Variants in POU2AF2 observed in about 807,000 individuals in gnomAD.
POU2AF2 encodes the protein POU class 2 homeobox associating factor 2.
At chr11:111,268,532 ATTTTATT>A in the POU2AF2 span, among the ~76,000 whole-genome samples, 6,259 of 107,354 alleles carry the variant, frequency 0.058, 589 homozygotes, top group African/African-American at 0.2. Context: ...ATTTTATTTT[ATTTTATT>A]TTATTTTATT....
the POU2AF2 span, among the ~76,000 whole-genome samples, chr11:111,285,480 A>C: frequency 1.3e-5 from 2 of 152,208 alleles, no homozygotes; most frequent in Non-Finnish European, 2.9e-5. Context: ...GGAAGGGAGG[A>C]AAACTTTCAC....
At chr11:111,276,447 A>ATATATATAT in the POU2AF2 span, among the ~76,000 whole-genome samples, 2 of 30,274 alleles carry the variant, frequency 6.6e-5, no homozygotes, top group African/African-American at 1.7e-4. Flanking sequence ...AAGAAAAAAA[A>ATATATATAT]AAAAAAATAT....
At chr11:111,263,568 G>T in the POU2AF2 span, among the ~76,000 whole-genome samples, 1 of 151,966 alleles carries the variant, frequency 6.6e-6, no homozygotes, top group Non-Finnish European at 1.5e-5. Context: ...GAGTAGCTGG[G>T]AATACAGGCG....
chr11:111,264,058 C>T, the POU2AF2 span, among the ~76,000 whole-genome samples: 3 of 152,070 alleles, frequency 2.0e-5, no homozygotes, highest in East Asian at 5.8e-4. Context: ...AAATGTACTG[C>T]TCAGTTGTGG....
the POU2AF2 span, among the ~76,000 whole-genome samples, chr11:111,246,265 A>G: frequency 6.6e-6 from 1 of 152,246 alleles, no homozygotes; most frequent in African/African-American, 2.4e-5. Flanking sequence ...TCACATTCAT[A>G]TAGAACCTGA....
chr11:111,269,984 T>G, the POU2AF2 span, among the ~76,000 whole-genome samples: 1 of 152,222 alleles, frequency 6.6e-6, no homozygotes, highest in South Asian at 2.1e-4. Context: ...GCAATAAATA[T>G]ATGACCTAAA....
chr11:111,261,206 GA>G, the POU2AF2 span, among the ~76,000 whole-genome samples: 6 of 150,500 alleles, frequency 4.0e-5, no homozygotes, highest in African/African-American at 1.5e-4. Context: ...CACACTACTA[GA>G]TCTTCTACCA....
chr11:111,266,154 A>G, the POU2AF2 span, among the ~76,000 whole-genome samples: 59 of 152,312 alleles, frequency 3.9e-4, 1 homozygote, highest in South Asian at 0.012. Context: ...GAATATTTTG[A>G]TCAGGATTTG....
chr11:111,249,301 TATC>T, the POU2AF2 span, among the ~76,000 whole-genome samples: 1 of 152,158 alleles, frequency 6.6e-6, no homozygotes, highest in Non-Finnish European at 1.5e-5. Context: ...AAACTCTAAA[TATC>T]ATTCCTCTCC....
the POU2AF2 span, among the ~76,000 whole-genome samples, chr11:111,247,211 G>C: frequency 6.6e-6 from 1 of 151,648 alleles, no homozygotes; most frequent in African/African-American, 2.4e-5. Flanking sequence ...GAGAGAGAGA[G>C]AGAGAGAGAC....
the POU2AF2 span, among the ~76,000 whole-genome samples, chr11:111,271,394 C>CA: frequency 1.3e-5 from 2 of 151,240 alleles, no homozygotes; most frequent in East Asian, 1.9e-4. Context: ...TAGCGTGGCT[C>CA]AAAAAAACTC....
At chr11:111,268,487 ATTTTATTTTATT>A in the POU2AF2 span, among the ~76,000 whole-genome samples, 8 of 23,968 alleles carry the variant, frequency 3.3e-4, no homozygotes, top group East Asian at 7.2e-3. Context: ...TTTTTATTTT[ATTTTATTTTATT>A]TTATTTTATT....
chr11:111,273,952 A>G, the POU2AF2 span, among the ~76,000 whole-genome samples: 1 of 152,158 alleles, frequency 6.6e-6, no homozygotes, highest in South Asian at 2.1e-4. Flanking sequence ...AAAATTATAT[A>G]CCATCTCGCT....
the POU2AF2 span, among the ~76,000 whole-genome samples, chr11:111,247,020 C>CT: frequency 1.3e-5 from 2 of 151,910 alleles, no homozygotes; most frequent in African/African-American, 4.8e-5. Flanking sequence ...TATACTTGAC[C>CT]TTTTTTTTCC....
the POU2AF2 span, among the ~76,000 whole-genome samples, chr11:111,282,168 G>A: frequency 3.0e-4 from 46 of 152,226 alleles, no homozygotes; most frequent in African/African-American, 1.1e-3. Context: ...TCTTTGTACA[G>A]AGAAAATCCA....
the POU2AF2 span, among the ~76,000 whole-genome samples, chr11:111,282,658 G>A: frequency 0.27 from 40,534 of 152,134 alleles, 5,711 homozygotes; most frequent in Admixed American, 0.34. Flanking sequence ...AATATAAAGT[G>A]CCACATCCTG....
the POU2AF2 span, chr11:111,285,861 C>T: frequency 6.2e-7 from 1 of 1,610,178 alleles, no homozygotes; most frequent in Non-Finnish European, 8.5e-7. Flanking sequence ...CTGCACCACA[C>T]TCCGGGGTAC....
chr11:111,256,028 A>G, the POU2AF2 span: 7 of 399,120 alleles, frequency 1.8e-5, no homozygotes, highest in Non-Finnish European at 2.7e-5. Flanking sequence ...GTGAGAGTGA[A>G]GCATACAGTC....
chr11:111,284,194 T>G, the POU2AF2 span: 1 of 1,614,216 alleles, frequency 6.2e-7, no homozygotes. Context: ...GGAAGCCGTT[T>G]CCCTGTGAGT....
Sources: gnomAD v4.1 joint callset for allele counts (sites outside exome capture counted in the v4.1 genomes callset) on GRCh38, gnomAD v4.1.1 for gene constraint, MANE v1.5 for transcripts, NCBI Gene and HGNC (gene_info 2026-07-23, HGNC 2026-07-21) for gene names.